Variants in RANBP2 observed in about 807,000 individuals in gnomAD.
The protein encoded by RANBP2 is E3 SUMO-protein ligase RanBP2.
A neutral mutation model predicts 303.6 loss-of-function variants in RANBP2; 57 were observed. The observed-to-expected ratio is 0.19, with a 90% CI of 0.15 to 0.23. RANBP2 has a LOEUF of 0.23. Ranked by LOEUF, RANBP2 falls within the 10% of genes least tolerant of loss-of-function variation. The pLI is 1.00. For synonymous variants in RANBP2, 1,167 were observed against 1,301.5 expected (o/e 0.90, Z 2.23); for missense variants, 3,138 against 3,780.8 (o/e 0.83, Z 4.46).
At chr2:109,404,515 G>T in the RANBP2 span, among the ~76,000 whole-genome samples, 1 of 152,132 alleles carries the variant, frequency 6.6e-6, no homozygotes, top group African/African-American at 2.4e-5. Context: ...CGGAAGTTTT[G>T]CCGGGCCTAG....
At chr2:109,246,362 G>C in the RANBP2 span, among the ~76,000 whole-genome samples, 1 of 152,142 alleles carries the variant, frequency 6.6e-6, no homozygotes, top group South Asian at 2.1e-4. Flanking sequence ...TGGTAGAGGG[G>C]GCAAGGCAAC....
the RANBP2 span, among the ~76,000 whole-genome samples, chr2:108,796,490 G>A: frequency 1.3e-5 from 2 of 152,056 alleles, no homozygotes; most frequent in African/African-American, 2.4e-5. Context: ...GTATATCCCC[G>A]AAAAAAGAAA....
At chr2:109,666,295 G>A in the RANBP2 span, among the ~76,000 whole-genome samples, 44 of 152,164 alleles carry the variant, frequency 2.9e-4, no homozygotes, top group African/African-American at 9.9e-4. Flanking sequence ...ATTGTCCAGC[G>A]TGTGGTGCCA....
At chr2:109,489,183 G>C in the RANBP2 span, among the ~76,000 whole-genome samples, 2 of 152,244 alleles carry the variant, frequency 1.3e-5, no homozygotes, top group African/African-American at 4.8e-5. Flanking sequence ...GCAGTGCCTG[G>C]GGCACAGGCT....
chr2:108,840,497 T>C, the RANBP2 span, among the ~76,000 whole-genome samples: 3 of 152,288 alleles, frequency 2.0e-5, no homozygotes, highest in East Asian at 5.8e-4. Flanking sequence ...TGAATTTAAG[T>C]TCTTTAATAG....
the RANBP2 span, among the ~76,000 whole-genome samples, chr2:109,539,246 C>T: frequency 4.8e-4 from 73 of 151,228 alleles, 1 homozygote; most frequent in Middle Eastern, 3.4e-3. Context: ...TGCAGTGAGC[C>T]GATATTATGC....
Position 108,751,523 on chromosome 2 carries a change from A to T in RANBP2, c.1456-5A>T, listed in dbSNP as rs1675880300. The T allele has an allele frequency of 6.2e-7, 1 of 1,611,214 alleles. No homozygotes were observed. Among genetic ancestry groups the T allele is most frequent in the Non-Finnish European group, 8.5e-7 (1 of 1,179,470 alleles). On this transcript the variant is annotated splice_polypyrimidine_tract_variant and splice_region_variant and intron_variant, in intron 10 of 28. Transcript: ENST00000283195. Reference sequence around the variant, plus strand: ...TCTAACTTAACTTTTCCTTAAATAAAACAGGTATTTCTCCTTGGAGTAGTA... The same window carrying T: ...TCTAACTTAACTTTTCCTTAAATAATACAGGTATTTCTCCTTGGAGTAGTA...
At chr2:108,752,228 T>C (rs1216024888) in intron 12 of RANBP2, among the ~76,000 whole-genome samples, 2 of 151,796 alleles carry the variant, frequency 1.3e-5, no homozygotes, top group Non-Finnish European at 2.9e-5. Flanking sequence ...TATTCCTTAA[T>C]AATTAAGTTC....
At chr2:109,394,964 G>A in the RANBP2 span, among the ~76,000 whole-genome samples, 339 of 152,366 alleles carry the variant, frequency 2.2e-3, 2 homozygotes, top group African/African-American at 7.5e-3. Context: ...TCCTGTGACC[G>A]TGGGCCCACA....
chr2:108,842,739 G>A, the RANBP2 span, among the ~76,000 whole-genome samples: 3 of 152,110 alleles, frequency 2.0e-5, no homozygotes, highest in African/African-American at 7.2e-5. Context: ...ATTTAAAACT[G>A]GAAACAGTGT....
the RANBP2 span, among the ~76,000 whole-genome samples, chr2:109,055,527 ATTTTC>A: frequency 1.1e-3 from 165 of 151,220 alleles, no homozygotes; most frequent in African/African-American, 3.0e-3. Context: ...TGTCCGGCTA[ATTTTC>A]TTTTCTTTTC....
chr2:108,910,669 G>C, the RANBP2 span: 5 of 1,440,644 alleles, frequency 3.5e-6, no homozygotes, highest in African/African-American at 2.8e-5. Context: ...AGCACAGTAT[G>C]GTTCAGCATG....
chr2:108,923,286 C>A, the RANBP2 span: 8 of 1,354,574 alleles, frequency 5.9e-6, no homozygotes, highest in Non-Finnish European at 8.5e-6. Context: ...GGTGCCAGGA[C>A]CGGCTCTTTC....
At chr2:108,744,385 G>A (rs148218249) in intron 7 of RANBP2, among the ~76,000 whole-genome samples, 6,905 of 150,420 alleles carry the variant, frequency 0.046, 535 homozygotes, top group African/African-American at 0.16. Context: ...GCAGCCTGGC[G>A]ACAGAGCGAG....
At chr2:109,735,373 G>C in the RANBP2 span, among the ~76,000 whole-genome samples, 1 of 152,208 alleles carries the variant, frequency 6.6e-6, no homozygotes, top group South Asian at 2.1e-4. Context: ...TTCTACTGTG[G>C]TTATAGACCA....
chr2:109,053,630 C>G, the RANBP2 span, among the ~76,000 whole-genome samples: 904 of 152,314 alleles, frequency 5.9e-3, 4 homozygotes, highest in South Asian at 0.011. Flanking sequence ...CCCTGACTGC[C>G]TGTCTGTAAG....
chr2:109,103,499 C>T, the RANBP2 span, among the ~76,000 whole-genome samples: 2 of 152,102 alleles, frequency 1.3e-5, no homozygotes, highest in South Asian at 2.1e-4. Context: ...GGTGGGGGCT[C>T]ACAGGTGGAT....
chr2:109,099,508 C>T, the RANBP2 span, among the ~76,000 whole-genome samples: 8 of 152,246 alleles, frequency 5.3e-5, no homozygotes, highest in Admixed American at 1.3e-4. Context: ...AGCAAGGTGG[C>T]GTACAGCAAG....
At chr2:109,078,098 A>ATATATATATATATATATATAGCG in the RANBP2 span, among the ~76,000 whole-genome samples, 6 of 60,052 alleles carry the variant, frequency 1.0e-4, no homozygotes, top group African/African-American at 5.1e-4. Flanking sequence ...ATATATATAT[A>ATATATATATATATATATATAGCG]TATATATATA....
Sources: gnomAD v4.1 joint callset for allele counts (sites outside exome capture counted in the v4.1 genomes callset) on GRCh38, gnomAD v4.1.1 for gene constraint, MANE v1.5 for transcripts, NCBI Gene and HGNC (gene_info 2026-07-23, HGNC 2026-07-21) for gene names.